The following ZNF14 variants were observed in gnomAD, a reference collection of about 807,000 sequenced individuals.
ZNF14 encodes zinc finger protein 14, also known as gonadotropin inducible transcription repressor-4.
ZNF14 carries 9 observed loss-of-function variants against 11.3 expected under a neutral mutation model. The observed-to-expected ratio is 0.80, with a 90% CI of 0.48 to 1.39. ZNF14 has a LOEUF of 1.39. Among genes scored for constraint, ZNF14 ranks in the 40% most tolerant of loss-of-function variants. The probability of loss-of-function intolerance (pLI) is 0.00; values close to 1 mark genes in which losing one functional copy is unlikely to be tolerated. For missense variants in ZNF14, 711 were observed against 763.9 expected (o/e 0.93, Z 0.82); for synonymous variants, 239 against 245.7 (o/e 0.97, Z 0.25).
In ZNF14 at chr19:19,711,240, T is replaced by C. The variant is rs7246866; in HGVS notation, c.*112A>G. On this transcript the variant is annotated 3_prime_UTR_variant, in exon 4 of 4. Coordinates refer to ENST00000344099, the MANE Select transcript of ZNF14 (RefSeq NM_021030.3). ...CGTGCTCAAAAGAAACTGGAACAAT[T>C]AAGGGCTTTAGAACAATGTTTGTAT... The C allele has an allele frequency of 0.56, 698,285 of 1,239,702 alleles. 199,307 individuals carry two copies. The highest frequency in any genetic ancestry group is 0.58 in the Non-Finnish European group (532,726 of 914,016). 76.8% of individuals were successfully genotyped at this position (1,239,702 alleles called of 1,614,324 possible).
intron 1 of ZNF14, among the ~76,000 whole-genome samples, chr19:19,727,613 T>C (rs1261635293): frequency 7.5e-6 from 1 of 133,464 alleles, no homozygotes; most frequent in African/African-American, 2.8e-5. Context: ...ACACTCCACA[T>C]GTACTTGATG....
intron 1 of ZNF14, among the ~76,000 whole-genome samples, chr19:19,731,961 G>A (rs2062425035): frequency 6.6e-6 from 1 of 152,086 alleles, no homozygotes; most frequent in Non-Finnish European, 1.5e-5. Flanking sequence ...CCAGCTACTG[G>A]GAAGGCTGAG....
At position 19,711,300 on chromosome 19, in the gene ZNF14, G is replaced by A. The variant is rs2062358781; in HGVS notation, c.*52C>T. 3.3e-6 allele frequency: 5 copies of A among 1,508,260 alleles called. No homozygotes were observed. In the East Asian group the frequency reaches 6.8e-5, roughly 21 times the overall value. The allele number at this position is 1,508,260 out of a possible 1,614,324, so 93.4% of individuals were successfully genotyped here. A position where few individuals can be genotyped will look rare whatever the true frequency, so the allele number is the denominator to read the frequency against. On this transcript the variant is annotated 3_prime_UTR_variant, in exon 4 of 4. Coordinates refer to ENST00000344099, the MANE Select transcript of ZNF14 (RefSeq NM_021030.3). ...TTCTGTCCAGTATGAACTCTTTTGT[G>A]TATTCAGAAGGAGCTGGAACAACCG...
Position 19,711,433 on chromosome 19 carries a change from T to C in ZNF14, c.1848A>G (p.Glu616=), listed in dbSNP as rs1448638642. Residue 616 remains glutamate (E), a synonymous_variant, in exon 4 of 4, where the codon GAA becomes GAG. Coordinates refer to ENST00000344099, the MANE Select transcript of ZNF14 (RefSeq NM_021030.3). Reference sequence around the variant, plus strand: ...TGAAGGCTTTTCCACATTGTTTGCATTCATAAGGTTTCTCTCCAGTGTGAG... The same window carrying C: ...TGAAGGCTTTTCCACATTGTTTGCACTCATAAGGTTTCTCTCCAGTGTGAG... The part of the protein sequence containing the change: ...ERSHTGEKPY[E]CKQCGKAFIS... The C allele has an allele frequency of 1.2e-6, 2 of 1,608,446 alleles. No individual in the cohort carries two copies. Among genetic ancestry groups the C allele is most frequent in the South Asian group, 1.1e-5 (1 of 90,032 alleles).
chr19:19,720,341 C>CT lies in ZNF14; in HGVS notation c.4-5855dup, dbSNP rs35810516. On this transcript the variant is annotated intron_variant, in intron 1 of 3. Transcript: ENST00000344099. This position sits in a 1 kb window ranked among gnomAD's most constrained non-coding sequence, Gnocchi z 4.1. ...CCACATTCTGGAACATAAAACATAT[C>CT]TTTTTTTTTTTTTTTTGAGATGGAG... Among the ~76,000 whole-genome samples the CT allele has an allele frequency of 0.2, 27,893 of 142,128 alleles. 3,303 individuals carry two copies. The highest frequency in any genetic ancestry group is 0.27 in the Non-Finnish European group (17,313 of 65,040). 93.2% of individuals were successfully genotyped at this position (142,128 alleles called of 152,430 possible). A position where few individuals can be genotyped will look rare whatever the true frequency, so the allele number is the denominator to read the frequency against.
intron 1 of ZNF14, among the ~76,000 whole-genome samples, chr19:19,717,145 G>A (rs1054835717): frequency 6.6e-6 from 1 of 152,072 alleles, no homozygotes; most frequent in African/African-American, 2.4e-5. Context: ...CACACGGTAG[G>A]GTGCCCAGGC....
At chr19:19,717,400 C>T (rs2062380895) in intron 1 of ZNF14, among the ~76,000 whole-genome samples, 1 of 152,168 alleles carries the variant, frequency 6.6e-6, no homozygotes, top group African/African-American at 2.4e-5. Context: ...TCAATATGTT[C>T]ACCAACATGG....
chr19:19,713,040 C>T lies in ZNF14; in HGVS notation c.241G>A (p.Gly81Arg). 6.2e-7 allele frequency: 1 copy of T among 1,612,482 alleles called. No individual in the cohort carries two copies. The highest frequency in any genetic ancestry group is 8.5e-7 in the Non-Finnish European group (1 of 1,179,086). ...TTTGGCATCTGGCTAGTGGTTTCTC[C>T]ACATTTGCTACCTCTTCTACTTTCA... The part of the protein sequence containing the change: ...LCESRRGSKC[G>R]ETTSQMPNVN... Residue 81 changes from glycine to arginine, a missense_variant, in exon 4 of 4, where the codon GGA becomes AGA. Physicochemically the swap from Gly to Arg is moderately radical, Grantham distance 125. Coordinates refer to ENST00000344099, the MANE Select transcript of ZNF14 (RefSeq NM_021030.3).
chr19:19,714,699 TC>T (rs1316358969), intron 1 of ZNF14, among the ~76,000 whole-genome samples: 5 of 136,464 alleles, frequency 3.7e-5, no homozygotes, highest in South Asian at 2.5e-4. Context: ...TTTTTCTTTT[TC>T]CTTTTTCTTT....
intron 1 of ZNF14, among the ~76,000 whole-genome samples, chr19:19,715,829 C>A (rs926685279): frequency 2.6e-5 from 4 of 152,188 alleles, no homozygotes; most frequent in Non-Finnish European, 5.9e-5. Context: ...TTTAAAATTT[C>A]TTTTAATTCC....
chr19:19,712,175 C>A lies in ZNF14; in HGVS notation c.1106G>T (p.Gly369Val). The A allele has an allele frequency of 3.7e-6, 6 of 1,614,052 alleles. No homozygotes were observed. The highest frequency in any genetic ancestry group is 5.1e-6 in the Non-Finnish European group (6 of 1,179,990). The change falls in exon 4 of 4, where the codon GGC becomes GTC. Residue 369 changes from glycine (G) to valine (V), a missense_variant. Transcript: ENST00000344099. ...AGAAATGGACCAACTGAATGATTTG[C>A]CACATCGTTTACATTCATATGGTTT... ...GEKPYECKRC[G>V]KSFSWSISLR...
chr19:19,714,016 C>T, intron 3 of ZNF14, 75 bp downstream of exon 3: 1 of 1,317,444 alleles, frequency 7.6e-7, no homozygotes, highest in Non-Finnish European at 1.1e-6. Flanking sequence ...AAATTTGAAG[C>T]TGTGCTTAAT....
chr19:19,722,226 AC>A (rs1429756687), intron 1 of ZNF14, among the ~76,000 whole-genome samples: 2 of 152,162 alleles, frequency 1.3e-5, no homozygotes, highest in Admixed American at 6.6e-5. Context: ...CAGCATGGAG[AC>A]TTAGTTTCTC....
At chr19:19,716,984 C>G (rs2062379609) in intron 1 of ZNF14, among the ~76,000 whole-genome samples, 1 of 152,102 alleles carries the variant, frequency 6.6e-6, no homozygotes, top group Non-Finnish European at 1.5e-5. Context: ...TTCCCAACAC[C>G]AATACAAGGT....
intron 3 of ZNF14, 27 bp from the exon 4 acceptor site, chr19:19,713,116 A>G: frequency 2.0e-6 from 3 of 1,527,282 alleles, no homozygotes; most frequent in Non-Finnish European, 2.6e-6. Flanking sequence ...GCACATTATT[A>G]GTGGCTTTTT....
intron 1 of ZNF14, among the ~76,000 whole-genome samples, chr19:19,732,060 C>G (rs1223423256): frequency 1.3e-5 from 2 of 152,004 alleles, no homozygotes; most frequent in Non-Finnish European, 2.9e-5. Context: ...AGCGAGACTC[C>G]GTCACACACA....
chr19:19,714,208 TAC>T (rs753365337), intron 2 of ZNF14, 57 bp from the exon 3 acceptor site: 8 of 1,594,116 alleles, frequency 5.0e-6, no homozygotes, highest in Middle Eastern at 1.7e-4. Flanking sequence ...AGAAAATTGT[TAC>T]AGTCTAGTTT....
intron 1 of ZNF14, among the ~76,000 whole-genome samples, chr19:19,730,943 C>T (rs12608822): frequency 0.052 from 7,827 of 151,906 alleles, 333 homozygotes; most frequent in East Asian, 0.24. Context: ...AAAAAAGAAA[C>T]CCAATACAAT....
chr19:19,713,150 G>T, intron 3 of ZNF14, 61 bp from the exon 4 acceptor site: 1 of 1,432,032 alleles, frequency 7.0e-7, no homozygotes, highest in Non-Finnish European at 9.4e-7. Context: ...TTATTAGTAG[G>T]TATGAGAATT....
Sources: gnomAD v4.1 joint callset for allele counts (sites outside exome capture counted in the v4.1 genomes callset) on GRCh38, gnomAD v4.1.1 for gene constraint, Gnocchi (gnomAD v3.1) non-coding constraint, MANE v1.5 for transcripts, NCBI Gene and HGNC (gene_info 2026-07-23, HGNC 2026-07-21) for gene names.